Variants in SPOCK1 observed in about 807,000 individuals in gnomAD.
SPOCK1 encodes the protein SPARC (osteonectin), cwcv and kazal like domains proteoglycan 1, also known as testican-1.
A neutral mutation model predicts 55.3 loss-of-function variants in SPOCK1; 23 were observed. The observed-to-expected ratio is 0.42, with a 90% CI of 0.30 to 0.59. The LOEUF is 0.59. Among genes scored for constraint, SPOCK1 ranks in the 20% least tolerant of loss-of-function variants. The pLI is 0.22. For missense variants in SPOCK1, 499 were observed against 552.5 expected (o/e 0.90, Z 0.97); for synonymous variants, 226 against 221.0 (o/e 1.02, Z -0.20).
At chr5:137,361,837 C>T (rs180758557) in intron 2 of SPOCK1, among the ~76,000 whole-genome samples, 4 of 152,284 alleles carry the variant, frequency 2.6e-5, no homozygotes, top group Non-Finnish European at 4.4e-5. Context: ...GGCAGAGAGA[C>T]TCGGGAAAGA....
chr5:137,013,328 A>T (rs17170853), intron 6 of SPOCK1, among the ~76,000 whole-genome samples: 3,589 of 152,316 alleles, frequency 0.024, 109 homozygotes, highest in African/African-American at 0.064. Context: ...ATCAGAACAG[A>T]CTATCTCAGA....
At chr5:136,998,114 A>C (rs1177117055) in intron 6 of SPOCK1, among the ~76,000 whole-genome samples, 2 of 152,222 alleles carry the variant, frequency 1.3e-5, no homozygotes, top group Non-Finnish European at 2.9e-5. Context: ...GAACTCAATA[A>C]ATTTATGTTC....
chr5:137,498,844 C>T (rs1218265481), intron 1 of SPOCK1, among the ~76,000 whole-genome samples: 1 of 152,152 alleles, frequency 6.6e-6, no homozygotes, highest in African/African-American at 2.4e-5. Context: ...TGCCGCCCTC[C>T]TATCAGGGGC....
At chr5:137,198,967 C>T (rs762869031) in intron 3 of SPOCK1, among the ~76,000 whole-genome samples, 4 of 152,216 alleles carry the variant, frequency 2.6e-5, no homozygotes, top group Non-Finnish European at 5.9e-5. Flanking sequence ...AATCTCCCAG[C>T]ACCATCAAGA....
chr5:137,309,080 G>T (rs1757747614), intron 2 of SPOCK1, among the ~76,000 whole-genome samples: 1 of 152,138 alleles, frequency 6.6e-6, no homozygotes, highest in Admixed American at 6.5e-5. Context: ...AGTAGGAATT[G>T]CTTTAATATC....
chr5:137,099,243 C>T (rs1185748985), intron 5 of SPOCK1, among the ~76,000 whole-genome samples: 1 of 152,132 alleles, frequency 6.6e-6, no homozygotes, highest in Non-Finnish European at 1.5e-5. Flanking sequence ...CAGAAACAAA[C>T]GTGGGTGACT....
chr5:136,996,868 G>A (rs909326879), intron 6 of SPOCK1, among the ~76,000 whole-genome samples: 13 of 152,038 alleles, frequency 8.6e-5, no homozygotes, highest in Non-Finnish European at 5.9e-5. Flanking sequence ...AGCCAGCAGC[G>A]GCAACCCTCT....
intron 5 of SPOCK1, among the ~76,000 whole-genome samples, chr5:137,103,437 C>T (rs1276548018): frequency 6.6e-6 from 1 of 152,218 alleles, no homozygotes; most frequent in Non-Finnish European, 1.5e-5. Flanking sequence ...ACACTAGTGG[C>T]TTCGCAATTG....
chr5:137,025,262 T>C (rs563448097), intron 6 of SPOCK1, among the ~76,000 whole-genome samples: 1 of 152,240 alleles, frequency 6.6e-6, no homozygotes, highest in East Asian at 2.0e-4. Flanking sequence ...TAGATCCCTT[T>C]TCCAGGCCTT....
chr5:137,477,538 C>G (rs961250811), intron 2 of SPOCK1, among the ~76,000 whole-genome samples: 5 of 152,154 alleles, frequency 3.3e-5, no homozygotes, highest in East Asian at 3.8e-4. Context: ...GCTTCTGAAG[C>G]ATTTCTCAGT....
At chr5:137,417,398 G>C (rs1377588272) in intron 2 of SPOCK1, among the ~76,000 whole-genome samples, 1 of 132,228 alleles carries the variant, frequency 7.6e-6, no homozygotes, top group South Asian at 2.4e-4. Context: ...ACTGTCAAAT[G>C]CACACATTTT....
intron 6 of SPOCK1, among the ~76,000 whole-genome samples, chr5:136,996,686 CTG>C (rs1751045569): frequency 6.6e-6 from 1 of 152,098 alleles, no homozygotes; most frequent in Non-Finnish European, 1.5e-5. Context: ...AATCAGTGCT[CTG>C]TAAAAATGTA....
intron 3 of SPOCK1, among the ~76,000 whole-genome samples, chr5:137,190,798 T>A (rs1755165848): frequency 6.6e-6 from 1 of 152,168 alleles, no homozygotes; most frequent in South Asian, 2.1e-4. Context: ...AGAGCTCCTT[T>A]TCATCTGCAG....
intron 3 of SPOCK1, among the ~76,000 whole-genome samples, chr5:137,241,165 T>C (rs1756272830): frequency 6.6e-6 from 1 of 152,138 alleles, no homozygotes; most frequent in South Asian, 2.1e-4. Context: ...GAAAAATCTC[T>C]TATTAACCTC....
At chr5:137,298,983 A>G (rs887090266) in intron 2 of SPOCK1, among the ~76,000 whole-genome samples, 7 of 152,138 alleles carry the variant, frequency 4.6e-5, no homozygotes, top group Non-Finnish European at 8.8e-5. Context: ...TACATCTAAT[A>G]TAATCATTGA....
chr5:137,283,111 C>T (rs2127126302), intron 2 of SPOCK1, among the ~76,000 whole-genome samples: 1 of 152,338 alleles, frequency 6.6e-6, no homozygotes, highest in African/African-American at 2.4e-5. Context: ...TCCTCTGAGG[C>T]ACCTGCCACC....
intron 5 of SPOCK1, among the ~76,000 whole-genome samples, chr5:137,104,008 G>C (rs2127027169): frequency 6.6e-6 from 1 of 152,344 alleles, no homozygotes; most frequent in South Asian, 2.1e-4. Context: ...GAGTTGGTTA[G>C]ATGCCACTGA....
At chr5:137,362,370 C>T (rs1750968545) in intron 2 of SPOCK1, among the ~76,000 whole-genome samples, 1 of 147,022 alleles carries the variant, frequency 6.8e-6, no homozygotes, top group Non-Finnish European at 1.5e-5. Flanking sequence ...CGCTCTGTTG[C>T]CCAGGCTGGA....
At chr5:137,102,017 C>A (rs1350418645) in intron 5 of SPOCK1, among the ~76,000 whole-genome samples, 1 of 152,196 alleles carries the variant, frequency 6.6e-6, no homozygotes, top group African/African-American at 2.4e-5. Flanking sequence ...TTCTTACCAG[C>A]TCAAACCAGG....
Sources: gnomAD v4.1 joint callset for allele counts (sites outside exome capture counted in the v4.1 genomes callset) on GRCh38, gnomAD v4.1.1 for gene constraint, MANE v1.5 for transcripts, NCBI Gene and HGNC (gene_info 2026-07-23, HGNC 2026-07-21) for gene names.